Variants in SLIT2 observed in about 807,000 individuals in gnomAD.
SLIT2 encodes slit guidance ligand 2.
A neutral mutation model predicts 185.7 loss-of-function variants in SLIT2; 41 were observed. The ratio of observed to expected loss-of-function variants is 0.22; its 90% CI spans 0.17 to 0.29. SLIT2 has a LOEUF of 0.29. SLIT2 is among the 10% of genes least tolerant of loss of function. SLIT2 has a pLI of 1.00. For synonymous variants in SLIT2, 693 were observed against 680.2 expected (o/e 1.02, Z -0.29); for missense variants, 1,571 against 1,909.0 (o/e 0.82, Z 3.30).
In SLIT2 at chr4:20,594,201, A is replaced by G. The variant is rs189348118; in HGVS notation, c.3183-1496A>G. ...TGTACATGTGTGTATATACATATGT[A>G]TGTATGTGTGTATATATGTATATGT... On this transcript the variant is annotated intron_variant, in intron 30 of 36. Coordinates refer to ENST00000504154, the MANE Select transcript of SLIT2 (RefSeq NM_004787.4). 1.7e-3 allele frequency among the ~76,000 whole-genome samples: 249 copies of G among 149,726 alleles called. 2 individuals carry two copies. The highest frequency in any genetic ancestry group is 7.2e-3 in the Middle Eastern group (2 of 276).
chr4:20,423,867 G>A (rs28421515), intron 4 of SLIT2, among the ~76,000 whole-genome samples: 35,576 of 151,822 alleles, frequency 0.23, 4,263 homozygotes, highest in Non-Finnish European at 0.27. Context: ...AGTTTTAAGT[G>A]TCACTTTGCA....
chr4:20,595,407 G>C (rs980477245), intron 30 of SLIT2, among the ~76,000 whole-genome samples: 3 of 152,016 alleles, frequency 2.0e-5, no homozygotes, highest in Admixed American at 6.6e-5. Flanking sequence ...GAAGAGGGAG[G>C]AGAGTGGGTG....
At chr4:20,541,709 C>A in intron 20 of SLIT2, 90 bp downstream of exon 20, 1 of 1,127,274 alleles carries the variant, frequency 8.9e-7, no homozygotes, top group Non-Finnish European at 1.3e-6. Context: ...TAGTTCAGCT[C>A]AGCAAATAAT....
In SLIT2 at chr4:20,617,454, C is replaced by T. The variant is rs766417502; in HGVS notation, c.4152C>T (p.Thr1384=). ...PCLGNKCVHG[T]CLPINAFSYS... is the part of the protein sequence containing the mutation. ...CTCCCTGTAGATGCGTACATGGCACCTGCTTGCCCATCAATGCGTTCTCCT... is the reference window on the plus strand; with the variant it reads ...CTCCCTGTAGATGCGTACATGGCACTTGCTTGCCCATCAATGCGTTCTCCT... Residue 1384 remains threonine (T), a synonymous_variant, in exon 36 of 37, where the codon ACC becomes ACT. Transcript: ENST00000504154. The T allele has an allele frequency of 6.2e-7, 1 of 1,614,092 alleles. No individual in the cohort carries two copies. The highest frequency in any genetic ancestry group is 1.7e-5 in the Admixed American group (1 of 60,024).
chr4:20,386,735 T>C (rs1724964715), intron 4 of SLIT2, among the ~76,000 whole-genome samples: 1 of 152,312 alleles, frequency 6.6e-6, no homozygotes, highest in Middle Eastern at 3.4e-3. Context: ...AAAATATAAA[T>C]GTTTAATAGA....
Position 20,618,860 on chromosome 4 carries a change from G to A in SLIT2, c.4441G>A (p.Glu1481Lys), listed in dbSNP as rs755145264. The stretch of plus-strand genomic sequence containing the variant: ...AACAACCAAGAAGGTGTCCCGATTA[G>A]AGTGCAGAGGTGGGTGTGCAGGAGG... ...CQTTKKVSRLECRGGCAGGQC... is the reference protein window; with the variant it reads ...CQTTKKVSRLKCRGGCAGGQC... Residue 1481 changes from glutamate (E) to lysine (K), a missense_variant, in exon 37 of 37, where the codon GAG (glutamate) becomes AAG (lysine). Physicochemically the swap from Glu to Lys is moderately conservative, Grantham distance 56. Coordinates refer to ENST00000504154, the MANE Select transcript of SLIT2 (RefSeq NM_004787.4). The A allele has an allele frequency of 1.9e-6, 3 of 1,614,042 alleles. No homozygotes were observed. Among genetic ancestry groups the A allele is most frequent in the South Asian group, 2.2e-5 (2 of 91,088 alleles).
intron 7 of SLIT2, among the ~76,000 whole-genome samples, chr4:20,487,297 G>T (rs13124498): frequency 6.6e-6 from 1 of 151,992 alleles, no homozygotes; most frequent in South Asian, 2.1e-4. Flanking sequence ...GGGGCTATCA[G>T]AATAAGACTA....
At chr4:20,534,570 T>C (rs1722104295) in intron 18 of SLIT2, among the ~76,000 whole-genome samples, 1 of 152,070 alleles carries the variant, frequency 6.6e-6, no homozygotes, top group African/African-American at 2.4e-5. Context: ...AGCCTAAAAA[T>C]TGGAAGAAAG....
intron 4 of SLIT2, among the ~76,000 whole-genome samples, chr4:20,286,663 G>A (rs573032966): frequency 5.8e-4 from 89 of 152,234 alleles, no homozygotes; most frequent in African/African-American, 1.8e-3. Flanking sequence ...TTAGATGGGC[G>A]TGGTAGCGTG....
chr4:20,259,094 C>T (rs532697290), intron 3 of SLIT2, among the ~76,000 whole-genome samples: 9 of 151,498 alleles, frequency 5.9e-5, no homozygotes, highest in South Asian at 2.1e-4. Flanking sequence ...TATTACAATA[C>T]AAGGACTATA....
At chr4:20,267,896 C>T (rs1192385141) in intron 3 of SLIT2, among the ~76,000 whole-genome samples, 3 of 151,876 alleles carry the variant, frequency 2.0e-5, no homozygotes, top group East Asian at 1.9e-4. Context: ...CTACTCCTCT[C>T]GAGCTAGGCA....
At chr4:20,486,452 ATTTCT>A (rs1420075717) in intron 7 of SLIT2, among the ~76,000 whole-genome samples, 181 bp downstream of exon 7, 1 of 152,100 alleles carries the variant, frequency 6.6e-6, no homozygotes, top group African/African-American at 2.4e-5. Flanking sequence ...AACTGGAAAG[ATTTCT>A]TTTAACTGAT....
chr4:20,615,322 C>G (rs1412824493), intron 34 of SLIT2: 2 of 152,172 alleles, frequency 1.3e-5, no homozygotes, highest in Non-Finnish European at 2.9e-5. Flanking sequence ...ACTCACAGAA[C>G]TTCACAGCCA....
intron 34 of SLIT2, among the ~76,000 whole-genome samples, chr4:20,610,526 A>T (rs1225502727): frequency 6.6e-6 from 1 of 152,226 alleles, no homozygotes; most frequent in East Asian, 1.9e-4. Flanking sequence ...CATACAATCA[A>T]GAAAATGATA....
chr4:20,472,857 A>G (rs1715710863), intron 5 of SLIT2, among the ~76,000 whole-genome samples: 1 of 151,228 alleles, frequency 6.6e-6, no homozygotes, highest in African/African-American at 2.4e-5. Flanking sequence ...AGTACTTAGT[A>G]AGTACCAGAA....
intron 5 of SLIT2, among the ~76,000 whole-genome samples, chr4:20,476,478 C>T (rs79976883): frequency 0.012 from 1,814 of 151,900 alleles, 33 homozygotes; most frequent in East Asian, 0.058. Flanking sequence ...TTAAATGAAA[C>T]AAAACAATAC....
intron 4 of SLIT2, among the ~76,000 whole-genome samples, chr4:20,363,003 G>T (rs889714767): frequency 7.2e-5 from 11 of 151,986 alleles, no homozygotes; most frequent in African/African-American, 2.7e-4. Flanking sequence ...TACACCTTCT[G>T]AGACTGAAAC....
At chr4:20,439,571 C>G (rs1729592274) in intron 4 of SLIT2, among the ~76,000 whole-genome samples, 1 of 152,270 alleles carries the variant, frequency 6.6e-6, no homozygotes, top group South Asian at 2.1e-4. Context: ...CGGATTAAGG[C>G]CCACCCTAAT....
At position 20,619,077 on chromosome 4, in the gene SLIT2, G is replaced by A; in HGVS notation, c.*68G>A. 7.0e-7 allele frequency: 1 copy of A among 1,422,048 alleles called. No homozygotes were observed. Among genetic ancestry groups the A allele is most frequent in the Non-Finnish European group, 9.7e-7 (1 of 1,034,554 alleles). The allele number at this position is 1,422,048 out of a possible 1,614,324, so 88.1% of individuals were successfully genotyped here. On this transcript the variant is annotated 3_prime_UTR_variant, in exon 37 of 37. Transcript: ENST00000504154. ...TCTTGACCGTGTGGGACTAATGAAT[G>A]CTTCATAGTGGAAATATTTGAAATA...
Sources: allele counts gnomAD v4.1 joint callset (sites outside exome capture counted in the v4.1 genomes callset), GRCh38; gene constraint gnomAD v4.1.1; transcripts MANE v1.5; gene names NCBI Gene and HGNC (gene_info 2026-07-23, HGNC 2026-07-21).